The following BEND3 variants were observed in gnomAD, a reference collection of about 807,000 sequenced individuals.
BEND3 encodes the protein BEN domain containing 3, also known as BEN domain-containing protein 3.
A neutral mutation model predicts 60.1 loss-of-function variants in BEND3; 13 were observed. The ratio of observed to expected loss-of-function variants is 0.22; its 90% confidence interval spans 0.14 to 0.34. The LOEUF is 0.34. BEND3 is among the 10% of genes least tolerant of loss of function. The probability of loss-of-function intolerance (pLI) is 1.00; values close to 1 mark genes in which losing one functional copy is unlikely to be tolerated. For synonymous variants in BEND3, 497 were observed against 491.5 expected, an observed-to-expected ratio of 1.01 and a Z score of -0.15; for missense variants, 896 against 1,138.1, an observed-to-expected ratio of 0.79 and a Z score of 3.06.
chr6:107,086,584 T>C (rs1195280807), intron 3 of BEND3, among the ~76,000 whole-genome samples: 1 of 150,524 alleles, frequency 6.6e-6, no homozygotes, highest in African/African-American at 2.4e-5. Flanking sequence ...CACTGCACTC[T>C]GGCCAGAGAC....
At chr6:107,086,218 A>G (rs1205971317) in intron 3 of BEND3, among the ~76,000 whole-genome samples, 3 of 152,112 alleles carry the variant, frequency 2.0e-5, no homozygotes, top group Non-Finnish European at 4.4e-5. Flanking sequence ...ACCTGGAGGA[A>G]GAGAAATAGC....
At chr6:107,110,563 TTC>T (rs1350915267) in intron 1 of BEND3, among the ~76,000 whole-genome samples, 2 of 151,514 alleles carry the variant, frequency 1.3e-5, no homozygotes, top group African/African-American at 4.8e-5. Flanking sequence ...GTGTGTGACT[TTC>T]TTTTTCTTTT....
intron 1 of BEND3, among the ~76,000 whole-genome samples, chr6:107,102,571 C>T (rs571119121): frequency 6.6e-6 from 1 of 152,340 alleles, no homozygotes; most frequent in Admixed American, 6.5e-5. Flanking sequence ...CTTTGGAAAA[C>T]ACTTCCGTGT....
intron 1 of BEND3, among the ~76,000 whole-genome samples, chr6:107,102,412 G>A (rs2115031241): frequency 6.6e-6 from 1 of 152,274 alleles, no homozygotes; most frequent in East Asian, 1.9e-4. Flanking sequence ...TTTGGCCTCT[G>A]AATTTTGAGC....
chr6:107,098,112 C>A (rs1554236253), intron 3 of BEND3, among the ~76,000 whole-genome samples: 1 of 152,164 alleles, frequency 6.6e-6, no homozygotes, highest in Non-Finnish European at 1.5e-5. Flanking sequence ...GAGTTCAAGA[C>A]CAGCCTGGGC....
intron 1 of BEND3, among the ~76,000 whole-genome samples, chr6:107,107,512 G>C (rs1554237705): frequency 6.6e-6 from 1 of 151,698 alleles, no homozygotes; most frequent in Non-Finnish European, 1.5e-5. Flanking sequence ...GCCCAGGCTG[G>C]AGTGCAGTGG....
chr6:107,114,854 C>T (rs1770229070), intron 1 of BEND3, among the ~76,000 whole-genome samples: 1 of 149,070 alleles, frequency 6.7e-6, no homozygotes, highest in South Asian at 2.1e-4. Flanking sequence ...AAGGGGCGCG[C>T]AGCACAATGG....
chr6:107,068,570 A>T lies in BEND3; in HGVS notation c.*134T>A. On this transcript the variant is annotated 3_prime_UTR_variant, in exon 4 of 4. Coordinates refer to ENST00000369042, the MANE Select transcript of BEND3 (RefSeq NM_001367314.1). This position sits in a 1 kb window ranked among gnomAD's most constrained non-coding sequence, Gnocchi z 5.8. ...GGTGGGTGTTTACGTGTGCAAATGT[A>T]GTAAGCCACTCCCCACGGACATAAG... 2.1e-6 allele frequency: 2 copies of T among 971,774 alleles called. No homozygotes were observed. Among genetic ancestry groups the T allele is most frequent in the Non-Finnish European group, 3.0e-6 (2 of 669,780 alleles). The allele number at this position is 971,774 out of a possible 1,614,324, so 60.2% of individuals were successfully genotyped here.
intron 3 of BEND3, among the ~76,000 whole-genome samples, chr6:107,073,540 GA>G (rs1247711947): frequency 6.6e-6 from 1 of 151,998 alleles, no homozygotes; most frequent in Non-Finnish European, 1.5e-5. Flanking sequence ...AGAGGTCAAT[GA>G]ATTTCTGTCA....
chr6:107,073,559 G>A (rs537629808), intron 3 of BEND3, among the ~76,000 whole-genome samples: 11 of 152,164 alleles, frequency 7.2e-5, no homozygotes, highest in African/African-American at 2.6e-4. Flanking sequence ...TCAACCACAC[G>A]TGAATAAAGC....
intron 1 of BEND3, among the ~76,000 whole-genome samples, chr6:107,111,408 G>T (rs1414972459): frequency 1.3e-5 from 2 of 152,110 alleles, no homozygotes; most frequent in Non-Finnish European, 2.9e-5. Flanking sequence ...TTACTCGGGA[G>T]GGTGAGGCAG....
At chr6:107,108,102 G>T (rs574260291) in intron 1 of BEND3, among the ~76,000 whole-genome samples, 2 of 152,324 alleles carry the variant, frequency 1.3e-5, no homozygotes, top group South Asian at 4.1e-4. Context: ...AAAAATACCA[G>T]TCCTCACAAA....
At chr6:107,110,225 A>G (rs72935785) in intron 1 of BEND3, among the ~76,000 whole-genome samples, 6,083 of 152,254 alleles carry the variant, frequency 0.04, 159 homozygotes, top group Admixed American at 0.057. Context: ...CTTCAGCTCT[A>G]AAACAATAGT....
chr6:107,090,177 T>C (rs985251091), intron 3 of BEND3, among the ~76,000 whole-genome samples: 7 of 151,950 alleles, frequency 4.6e-5, no homozygotes, highest in African/African-American at 1.4e-4. Context: ...GGAGAAACCC[T>C]GTCTCTACTA....
In BEND3 at chr6:107,073,249, ATATATATATATATATG is replaced by A. The variant is rs1373984105; in HGVS notation, c.241-2315_241-2300del. Among the ~76,000 whole-genome samples, 58 of 23,462 alleles carry A rather than the reference ATATATATATATATATG, an allele frequency of 2.5e-3. 5 individuals are homozygous for A. Among genetic ancestry groups the A allele is most frequent in the African/African-American group, 7.0e-3 (56 of 7,966 alleles). The allele number at this position is 23,462 out of a possible 152,430, so 15.4% of individuals were successfully genotyped here. On this transcript the variant is annotated intron_variant, in intron 3 of 3. Transcript: ENST00000369042. ...TATATATATATATATATATATATAT[ATATATATATATATATG>A]TATGTGAGCAAATGGTCAGTGGCAA...
intron 3 of BEND3, among the ~76,000 whole-genome samples, chr6:107,080,293 G>A (rs1201244742): frequency 2.2e-4 from 32 of 142,246 alleles, no homozygotes; most frequent in African/African-American, 6.7e-4. Context: ...AGGTCGAGGC[G>A]GCAATGAACC....
At chr6:107,104,945 GT>G (rs1407411279) in intron 1 of BEND3, among the ~76,000 whole-genome samples, 1 of 152,142 alleles carries the variant, frequency 6.6e-6, no homozygotes, top group African/African-American at 2.4e-5. Flanking sequence ...GATTAGAGGT[GT>G]GAGCCACTGT....
At position 107,069,195 on chromosome 6, in the gene BEND3, C is replaced by G. The variant is rs781882102; in HGVS notation, c.1996G>C (p.Glu666Gln). 3 of 1,612,556 alleles carry G rather than the reference C, an allele frequency of 1.9e-6. No individual in the cohort carries two copies. The Admixed American group carries it at 5.0e-5, about 27-fold the overall frequency. ...GCATAGCTGGTCAAGTCTCTGCACT[C>G]AGGGCCCGGCACGTGGACCTTGCGC... ...QQRKVHVPGPECRDLTSYAIN... is the reference protein window; with the variant it reads ...QQRKVHVPGPQCRDLTSYAIN... Residue 666 changes from glutamate to glutamine, a missense_variant, in exon 4 of 4, where the codon GAG (glutamate) becomes CAG (glutamine). By Grantham distance (29) the Glu-to-Gln change is conservative (BLOSUM62 2). This residue lies in a region of BEND3 where 846 missense variants were observed against 1,036.7 expected (regional missense o/e 0.82). Transcript: ENST00000369042.
At chr6:107,092,386 A>T (rs1243939497) in intron 3 of BEND3, among the ~76,000 whole-genome samples, 1 of 152,228 alleles carries the variant, frequency 6.6e-6, no homozygotes, top group Non-Finnish European at 1.5e-5. Flanking sequence ...TCACATGATC[A>T]TGTCAATAAA....
Sources: gnomAD v4.1 joint callset for allele counts (sites outside exome capture counted in the v4.1 genomes callset) on GRCh38, gnomAD v4.1.1 for gene constraint, gnomAD v4.1.1 regional missense constraint, Gnocchi (gnomAD v3.1) non-coding constraint, MANE v1.5 for transcripts, NCBI Gene and HGNC (gene_info 2026-07-23, HGNC 2026-07-21) for gene names.